CSMD1: variants seen among roughly 807,000 people sequenced by gnomAD.
CSMD1 encodes CUB and sushi domain-containing protein 1.
A neutral mutation model predicts 417.5 loss-of-function variants in CSMD1; 213 were observed. The observed-to-expected ratio is 0.51, with a 90% CI of 0.46 to 0.57. CSMD1 has a LOEUF of 0.57. Ranked by LOEUF, CSMD1 falls within the 20% of genes least tolerant of loss-of-function variation. CSMD1 has a pLI of 0.00. For missense variants in CSMD1, 6,923 were observed against 4,529.7 expected (o/e 1.53, Z -15.17); for synonymous variants, 2,862 against 1,736.8 (o/e 1.65, Z -16.11).
chr8:4,104,655 T>A (rs999404320), intron 3 of CSMD1, among the ~76,000 whole-genome samples: 2 of 152,142 alleles, frequency 1.3e-5, no homozygotes, highest in Non-Finnish European at 2.9e-5. Context: ...GGGAAAGAGC[T>A]GTGCCACAGA....
intron 2 of CSMD1, among the ~76,000 whole-genome samples, chr8:4,429,033 T>C (rs774778099): frequency 5.9e-5 from 9 of 152,138 alleles, no homozygotes; most frequent in Non-Finnish European, 1.2e-4. Flanking sequence ...GGTATTTTTT[T>C]AATAAGAGTT....
intron 22 of CSMD1, among the ~76,000 whole-genome samples, chr8:3,343,672 T>A (rs1405641564): frequency 6.6e-6 from 1 of 152,238 alleles, no homozygotes; most frequent in African/African-American, 2.4e-5. Context: ...CCATTCTTGT[T>A]CAGATCATTT....
At chr8:4,015,661 TAAA>T (rs11371186) in intron 4 of CSMD1, among the ~76,000 whole-genome samples, 3 of 97,488 alleles carry the variant, frequency 3.1e-5, no homozygotes, top group South Asian at 3.8e-4. Context: ...GTTTGAATCT[TAAA>T]AAAAAAAAAA....
chr8:3,919,992 A>T (rs562084759), intron 5 of CSMD1, among the ~76,000 whole-genome samples: 161 of 150,754 alleles, frequency 1.1e-3, no homozygotes, highest in Non-Finnish European at 7.2e-4. Context: ...AATATACCAA[A>T]TTTTTTTTTA....
chr8:4,083,940 C>A (rs1800282176), intron 3 of CSMD1, among the ~76,000 whole-genome samples: 1 of 152,116 alleles, frequency 6.6e-6, no homozygotes, highest in African/African-American at 2.4e-5. Context: ...GCAACCTACT[C>A]ACATCTGACA....
rs141665934 is a variant in CSMD1, at chr8:3,089,616, T to C, written c.7285+1900A>G. Among the ~76,000 whole-genome samples, 661 of 152,324 alleles carry C rather than the reference T, an allele frequency of 4.3e-3. 1 individual carries two copies. The highest frequency in any genetic ancestry group is 7.0e-3 in the Non-Finnish European group (473 of 68,026). On this transcript the variant is annotated intron_variant, in intron 48 of 69. Transcript: ENST00000635120. Reference sequence around the variant, plus strand: ...TGTTAATATTTTAGGGACACTTTCATTTAATCAATGCTCAAAAATTACTGA... The same window carrying C: ...TGTTAATATTTTAGGGACACTTTCACTTAATCAATGCTCAAAAATTACTGA...
chr8:4,328,607 G>T (rs535812430), intron 3 of CSMD1, among the ~76,000 whole-genome samples: 8 of 151,936 alleles, frequency 5.3e-5, no homozygotes, highest in African/African-American at 1.9e-4. Context: ...AAGTCATTTT[G>T]TTTTGAAATA....
chr8:4,370,282 G>A (rs184880781), intron 3 of CSMD1, among the ~76,000 whole-genome samples: 1 of 152,162 alleles, frequency 6.6e-6, no homozygotes, highest in African/African-American at 2.4e-5. Flanking sequence ...GTCTTTCCCA[G>A]TTTGTAAGGT....
intron 1 of CSMD1, among the ~76,000 whole-genome samples, chr8:4,893,870 A>C (rs1007184237): frequency 1.3e-5 from 2 of 152,022 alleles, no homozygotes; most frequent in South Asian, 2.1e-4. Flanking sequence ...TTTTTTCCCC[A>C]AAAACAGAAA....
chr8:2,983,218 G>T (rs1245868449), intron 54 of CSMD1, among the ~76,000 whole-genome samples: 1 of 151,428 alleles, frequency 6.6e-6, no homozygotes, highest in Non-Finnish European at 1.5e-5. Flanking sequence ...ATGGAGTCTT[G>T]CTCTGTCTCC....
chr8:4,874,052 T>C (rs1248256333), intron 1 of CSMD1, among the ~76,000 whole-genome samples: 1 of 152,158 alleles, frequency 6.6e-6, no homozygotes, highest in Non-Finnish European at 1.5e-5. Context: ...GTGTGTCATC[T>C]ACCTTTACCT....
chr8:4,119,933 G>C (rs922031069), intron 3 of CSMD1, among the ~76,000 whole-genome samples: 3 of 131,404 alleles, frequency 2.3e-5, no homozygotes, highest in African/African-American at 8.8e-5. Flanking sequence ...AGAGGAGCTG[G>C]GGATGGTTAA....
chr8:4,374,132 C>G (rs891776327), intron 3 of CSMD1, among the ~76,000 whole-genome samples: 1 of 152,096 alleles, frequency 6.6e-6, no homozygotes, highest in Non-Finnish European at 1.5e-5. Flanking sequence ...ATTGACCCAT[C>G]AGCTGGATAA....
chr8:4,411,980 A>G (rs537129373), intron 3 of CSMD1, among the ~76,000 whole-genome samples: 1 of 132,472 alleles, frequency 7.5e-6, no homozygotes, highest in African/African-American at 2.8e-5. Context: ...ACACAGCAAC[A>G]TAGCTAAGGG....
chr8:3,224,235 T>TA (rs1798371153), intron 27 of CSMD1, among the ~76,000 whole-genome samples: 1 of 152,120 alleles, frequency 6.6e-6, no homozygotes, highest in Non-Finnish European at 1.5e-5. Context: ...AACACTTGAA[T>TA]AAAAAAAATC....
chr8:3,280,508 TCA>T (rs1802650444), intron 26 of CSMD1, among the ~76,000 whole-genome samples: 1 of 152,154 alleles, frequency 6.6e-6, no homozygotes. Context: ...TTTAAATGCC[TCA>T]GAGTCAATGT....
At chr8:3,751,052 G>A (rs1361495308) in intron 6 of CSMD1, among the ~76,000 whole-genome samples, 1 of 152,024 alleles carries the variant, frequency 6.6e-6, no homozygotes, top group Non-Finnish European at 1.5e-5. Context: ...ACCTTCCACA[G>A]GCAGTCTGCG....
At chr8:4,929,616 A>G (rs752867118) in intron 1 of CSMD1, among the ~76,000 whole-genome samples, 1 of 152,286 alleles carries the variant, frequency 6.6e-6, no homozygotes, top group Middle Eastern at 3.4e-3. Flanking sequence ...TGATTTCATC[A>G]TTTGTCACCA....
chr8:4,792,068 T>C (rs902408659), intron 1 of CSMD1, among the ~76,000 whole-genome samples: 2 of 152,182 alleles, frequency 1.3e-5, no homozygotes, highest in Admixed American at 1.3e-4. Flanking sequence ...CACTGCCTGG[T>C]TTTAACTTTA....
Sources: gnomAD v4.1 joint callset for allele counts (sites outside exome capture counted in the v4.1 genomes callset) on GRCh38, gnomAD v4.1.1 for gene constraint, MANE v1.5 for transcripts, NCBI Gene and HGNC (gene_info 2026-07-23, HGNC 2026-07-21) for gene names.